CEMIP2: variants seen among roughly 807,000 people sequenced by gnomAD.
CEMIP2 encodes cell migration inducing hyaluronidase 2.
Under a neutral mutation model 146.9 loss-of-function variants are expected in CEMIP2, and 79 were observed. The ratio of observed to expected loss-of-function variants is 0.54; its 90% CI spans 0.45 to 0.65. The LOEUF (loss-of-function observed/expected upper bound fraction) is 0.65, where lower values mean the gene tolerates loss of function less well. Among genes scored for constraint, CEMIP2 ranks in the 30% least tolerant of loss-of-function variants. CEMIP2 has a pLI of 0.00. For missense variants in CEMIP2, 1,596 were observed against 1,696.2 expected (o/e 0.94, Z 1.04); for synonymous variants, 601 against 606.3 (o/e 0.99, Z 0.13).
At position 71,724,758 on chromosome 9, in the gene CEMIP2, A is replaced by G. The variant is rs942701214; in HGVS notation, c.2178+823T>C. The stretch of plus-strand genomic sequence containing the variant: ...AAATTAGGTCAATTATTCTTAAGCA[A>G]TATTTCACTATTTATATAATTAGTA... On this transcript the variant is annotated intron_variant, in intron 11 of 23. Coordinates refer to ENST00000377044, the MANE Select transcript of CEMIP2 (RefSeq NM_013390.3). 3.9e-5 allele frequency among the ~76,000 whole-genome samples: 6 copies of G among 152,186 alleles called. No homozygotes were observed. In the East Asian group the frequency reaches 7.7e-4, roughly 20 times the overall value.
chr9:71,745,126 A>G lies in CEMIP2; in HGVS notation c.926T>C (p.Ile309Thr). ...EFLRFQDPGR[I>T]VAIAVGDSAA... ...TGAATCCCCGACAGCTATGGCAACA[A>G]TCCGACCTGGATCCTGGAATCTCAG... Residue 309 changes from isoleucine (I) to threonine (T), a missense_variant, in exon 4 of 24, where the codon ATT (isoleucine) becomes ACT (threonine). Physicochemically the swap from Ile to Thr is moderately conservative, Grantham distance 89. Transcript: ENST00000377044. 1 of 1,614,090 alleles carries G rather than the reference A, an allele frequency of 6.2e-7. No homozygotes were observed. The highest frequency in any genetic ancestry group is 2.2e-5 in the East Asian group (1 of 44,876).
rs145774521 is a variant in CEMIP2 at position 71,703,850 on chromosome 9, C to G, written c.3194+745G>C. Among the ~76,000 whole-genome samples, 175 of 152,278 alleles carry G rather than the reference C, an allele frequency of 1.1e-3. 2 individuals carry two copies. The highest frequency in any genetic ancestry group is 7.3e-3 in the South Asian group (35 of 4,812). On this transcript the variant is annotated intron_variant, in intron 18 of 23. Transcript: ENST00000377044. ...GACAGATTGCTTCATCAGAATCATT[C>G]CTCACTGCAGCCTGGCTCAACTCCC...
chr9:71,754,392 C>T (rs1489612912), intron 1 of CEMIP2, among the ~76,000 whole-genome samples: 2 of 152,074 alleles, frequency 1.3e-5, no homozygotes, highest in Non-Finnish European at 2.9e-5. Flanking sequence ...CAATGTAGTC[C>T]TCTCTGGCTT....
intron 2 of CEMIP2, 91 bp from the exon 3 acceptor site, chr9:71,746,432 C>A: frequency 1.4e-6 from 2 of 1,471,232 alleles, no homozygotes; most frequent in Admixed American, 2.0e-5. Flanking sequence ...TGCAGATCTG[C>A]AAAAAATGTG....
chr9:71,765,389 T>A lies in CEMIP2; in HGVS notation c.-13+2968A>T, dbSNP rs368820015. Among the ~76,000 whole-genome samples, 8 of 152,280 alleles carry A rather than the reference T, an allele frequency of 5.3e-5. No individual in the cohort carries two copies. The East Asian group carries it at 1.2e-3, about 22-fold the overall frequency. ...ACATAGCAAACTTACTCAAATTGAA[T>A]CCCCAAAACATTCCCATAAAGCATT... On this transcript the variant is annotated intron_variant, in intron 1 of 23. Coordinates refer to ENST00000377044, the MANE Select transcript of CEMIP2 (RefSeq NM_013390.3).
At chr9:71,700,239 A>C (rs1208531221) in intron 19 of CEMIP2, among the ~76,000 whole-genome samples, 1 of 152,250 alleles carries the variant, frequency 6.6e-6, no homozygotes, top group African/African-American at 2.4e-5. Flanking sequence ...AGTGATTTTC[A>C]AAAACTCAAG....
At chr9:71,721,822 A>G (rs1241694806) in intron 12 of CEMIP2, among the ~76,000 whole-genome samples, 1 of 152,140 alleles carries the variant, frequency 6.6e-6, no homozygotes, top group Non-Finnish European at 1.5e-5. Context: ...CATCTGGGAC[A>G]TTTTCTTTAT....
At chr9:71,706,517 ATAGATCAGGTTAATATTCTCAAATACAT>A (rs1248799553) in intron 17 of CEMIP2, among the ~76,000 whole-genome samples, 1 of 152,220 alleles carries the variant, frequency 6.6e-6, no homozygotes, top group East Asian at 1.9e-4. Flanking sequence ...GATTTGTAAT[ATAGATCAGGTTAATATTCTCAAATACAT>A]TAGATATTCA....
At chr9:71,728,579 G>T (rs1028599139) in intron 10 of CEMIP2, among the ~76,000 whole-genome samples, 3 of 151,140 alleles carry the variant, frequency 2.0e-5, no homozygotes, top group African/African-American at 7.3e-5. Context: ...ACTTATCCAG[G>T]GGACATTTCT....
rs187102635 is a variant in CEMIP2 at position 71,766,108 on chromosome 9, A to C, written c.-13+2249T>G. Among the ~76,000 whole-genome samples the C allele has an allele frequency of 1.0e-3, 148 of 147,200 alleles. 1 individual carries two copies. Among genetic ancestry groups the C allele is most frequent in the Admixed American group, 9.4e-3 (137 of 14,540 alleles). ...TTTCAGATGGAGTCTCGTTCCCATC[A>C]CCTAGGTTGGAGTGTAGTGGCACGA... is the stretch of plus-strand genomic sequence containing the variant. On this transcript the variant is annotated intron_variant, in intron 1 of 23. Transcript: ENST00000377044.
intron 2 of CEMIP2, among the ~76,000 whole-genome samples, chr9:71,748,774 T>A (rs1017697572): frequency 2.6e-5 from 4 of 152,210 alleles, no homozygotes; most frequent in African/African-American, 9.6e-5. Context: ...GTCTCTCTCA[T>A]TTGAGGTTTA....
intron 1 of CEMIP2, among the ~76,000 whole-genome samples, chr9:71,763,060 T>TA (rs771563548): frequency 0.014 from 1,875 of 137,460 alleles, 29 homozygotes; most frequent in African/African-American, 0.04. Context: ...AACCACAACT[T>TA]AAAAAAAAAA....
At chr9:71,707,666 G>C (rs570637387) in intron 17 of CEMIP2, among the ~76,000 whole-genome samples, 2 of 152,300 alleles carry the variant, frequency 1.3e-5, no homozygotes, top group Non-Finnish European at 2.9e-5. Flanking sequence ...ACCTTTGACC[G>C]GCAAAGTGAG....
In CEMIP2 at chr9:71,730,243, G is replaced by A; in HGVS notation, c.1784C>T (p.Thr595Ile). The A allele has an allele frequency of 6.2e-7, 1 of 1,613,892 alleles. No homozygotes were observed. Among genetic ancestry groups the A allele is most frequent in the Non-Finnish European group, 8.5e-7 (1 of 1,179,884 alleles). ...HGTNGLLIKD[T>I]IGFDTLGHCF... Reference sequence around the variant, plus strand: ...ATGACCTAGTGTGTCAAACCCAATGGTGTCTTTTATCTGCAGAAATAAAAG... The same window carrying A: ...ATGACCTAGTGTGTCAAACCCAATGATGTCTTTTATCTGCAGAAATAAAAG... The change falls in exon 9 of 24, where the codon ACC becomes ATC. Residue 595 changes from threonine to isoleucine, a missense_variant. Thr to Ile is a moderately conservative substitution (Grantham distance 89, BLOSUM62 -1). Coordinates refer to ENST00000377044, the MANE Select transcript of CEMIP2 (RefSeq NM_013390.3).
chr9:71,704,524 A>G, intron 18 of CEMIP2, 71 bp downstream of exon 18: 1 of 1,552,574 alleles, frequency 6.4e-7, no homozygotes. Context: ...CAAAGGAGAC[A>G]TAAGTTATTC....
At chr9:71,726,352 A>T (rs1170290608) in intron 10 of CEMIP2, among the ~76,000 whole-genome samples, 6 of 152,250 alleles carry the variant, frequency 3.9e-5, no homozygotes, top group African/African-American at 1.4e-4. Context: ...ATGGAAATAA[A>T]TGTTAATTCC....
At chr9:71,688,179 A>G (rs1822125061) in intron 22 of CEMIP2, among the ~76,000 whole-genome samples, 1 of 152,140 alleles carries the variant, frequency 6.6e-6, no homozygotes, top group South Asian at 2.1e-4. Flanking sequence ...TTACTGAAAC[A>G]AAAATTTTCA....
At chr9:71,743,161 A>G (rs1823972342) in intron 4 of CEMIP2, among the ~76,000 whole-genome samples, 1 of 150,980 alleles carries the variant, frequency 6.6e-6, no homozygotes, top group South Asian at 2.2e-4. Flanking sequence ...GACACAAAAT[A>G]TAACATTGTC....
In CEMIP2 at chr9:71,726,221, C is replaced by T. The variant is rs556802161; in HGVS notation, c.2050-512G>A. 2.0e-5 allele frequency among the ~76,000 whole-genome samples: 3 copies of T among 152,228 alleles called. No individual in the cohort carries two copies. The South Asian group carries it at 6.2e-4, about 32-fold the overall frequency. Reference sequence around the variant, plus strand: ...TTTTTGCCAAAGAAAAAAAAACCACCACACGTATGAATCAGGATACTGTCT... The same window carrying T: ...TTTTTGCCAAAGAAAAAAAAACCACTACACGTATGAATCAGGATACTGTCT... On this transcript the variant is annotated intron_variant, in intron 10 of 23. Transcript: ENST00000377044.
Sources: gnomAD v4.1 joint callset for allele counts (sites outside exome capture counted in the v4.1 genomes callset) on GRCh38, gnomAD v4.1.1 for gene constraint, MANE v1.5 for transcripts, NCBI Gene and HGNC (gene_info 2026-07-23, HGNC 2026-07-21) for gene names.